The following MECOM variants were observed in gnomAD, a reference collection of about 807,000 sequenced individuals.
MECOM encodes MDS1 and EVI1 complex locus.
In MECOM, 13 loss-of-function variants were observed where a neutral mutation model predicts 116.3. The observed-to-expected ratio is 0.11, with a 90% CI of 0.07 to 0.18. MECOM has a LOEUF of 0.18. Among genes scored for constraint, MECOM ranks in the 10% least tolerant of loss-of-function variants. The pLI is 1.00. For synonymous variants in MECOM, 528 were observed against 535.2 expected, an observed-to-expected ratio of 0.99 and a Z score of 0.19; for missense variants, 1,299 against 1,509.0, an observed-to-expected ratio of 0.86 and a Z score of 2.31.
chr3:169,378,457 GCAAGCAAGCAAGCAAGCA>G (rs1191283278), intron 2 of MECOM, among the ~76,000 whole-genome samples: 49 of 60,826 alleles, frequency 8.1e-4, no homozygotes, highest in African/African-American at 2.6e-3. Flanking sequence ...AAGAAGGAAA[GCAAGCAAGCAAGCAAGCA>G]AGAAAGAGAG....
At chr3:169,629,120 ATTT>A (rs11284881) in intron 1 of MECOM, among the ~76,000 whole-genome samples, 100 of 135,442 alleles carry the variant, frequency 7.4e-4, no homozygotes, top group Non-Finnish European at 1.0e-3. Flanking sequence ...GCTGCTTGAA[ATTT>A]TTTTTTTTTT....
intron 3 of MECOM, among the ~76,000 whole-genome samples, chr3:169,142,705 A>T (rs1428139686): frequency 6.6e-6 from 1 of 152,002 alleles, no homozygotes; most frequent in East Asian, 1.9e-4. Flanking sequence ...GGTAGCTGGT[A>T]CGATGCCAAA....
chr3:169,097,312 CTA>C (rs1196522216), intron 12 of MECOM, among the ~76,000 whole-genome samples: 2 of 152,022 alleles, frequency 1.3e-5, no homozygotes, highest in Non-Finnish European at 2.9e-5. Context: ...TTGTTACTTT[CTA>C]TCTCTCCTCT....
intron 2 of MECOM, among the ~76,000 whole-genome samples, chr3:169,285,249 A>T (rs1279995140): frequency 6.6e-6 from 1 of 152,286 alleles, no homozygotes; most frequent in Admixed American, 6.5e-5. Flanking sequence ...CTGGACAATA[A>T]CAGCTGAGCT....
At chr3:169,366,975 G>A (rs937444835) in intron 2 of MECOM, among the ~76,000 whole-genome samples, 1 of 152,096 alleles carries the variant, frequency 6.6e-6, no homozygotes, top group African/African-American at 2.4e-5. Flanking sequence ...AGATTTCAGA[G>A]CAGAGGCTAA....
At position 169,301,703 on chromosome 3, in the gene MECOM, T is replaced by A. The variant is rs184552052; in HGVS notation, c.375+79484A>T. Among the ~76,000 whole-genome samples the A allele has an allele frequency of 4.6e-5, 7 of 152,340 alleles. No homozygotes were observed. The East Asian group carries it at 5.8e-4, about 13-fold the overall frequency. Reference sequence around the variant, plus strand: ...AGATGCTTCTGATATGTAAAAGATATGCTAATTTTGATGACAGTTTTCAGT... The same window carrying A: ...AGATGCTTCTGATATGTAAAAGATAAGCTAATTTTGATGACAGTTTTCAGT... On this transcript the variant is annotated intron_variant, in intron 2 of 16. Coordinates refer to ENST00000651503, the MANE Select transcript of MECOM (RefSeq NM_004991.4).
intron 2 of MECOM, among the ~76,000 whole-genome samples, chr3:169,333,911 CCCTT>C (rs898924925): frequency 5.7e-5 from 8 of 139,810 alleles, no homozygotes; most frequent in African/African-American, 1.1e-4. Flanking sequence ...CTCCCTCCCT[CCCTT>C]CCTTCCTTCT....
At chr3:169,649,988 A>G (rs951262513) in intron 1 of MECOM, among the ~76,000 whole-genome samples, 1 of 152,174 alleles carries the variant, frequency 6.6e-6, no homozygotes, top group Non-Finnish European at 1.5e-5. Context: ...GTGTAAAGGA[A>G]TGGGCTGAAC....
At chr3:169,088,193 C>T (rs939274392) in intron 16 of MECOM, among the ~76,000 whole-genome samples, 2 of 152,066 alleles carry the variant, frequency 1.3e-5, no homozygotes, top group African/African-American at 2.4e-5. Context: ...GACCACAGTG[C>T]CCAATAAATA....
rs568019416 is a variant in MECOM, at chr3:169,495,645, T to C, written c.38-114121A>G. Among the ~76,000 whole-genome samples the C allele has an allele frequency of 4.6e-5, 7 of 152,332 alleles. No homozygotes were observed. The East Asian group carries it at 1.2e-3, about 25-fold the overall frequency. On this transcript the variant is annotated intron_variant, in intron 1 of 16. Transcript: ENST00000651503. ...CATATTCCAATACTCATTCTTTCCA[T>C]GGCTTTTCCAAATGAGGCTAAATGG...
In MECOM at chr3:169,636,828, G is replaced by A. The variant is rs533189964; in HGVS notation, c.37+26508C>T. Among the ~76,000 whole-genome samples, 5 of 152,238 alleles carry A rather than the reference G, an allele frequency of 3.3e-5. No individual in the cohort carries two copies. In the East Asian group the frequency reaches 7.7e-4, roughly 24 times the overall value. On this transcript the variant is annotated intron_variant, in intron 1 of 16. Coordinates refer to ENST00000651503, the MANE Select transcript of MECOM (RefSeq NM_004991.4). ...TCCCACCATGATCTAGAGCAAACAC[G>A]AACAACCTCTGAATAAAGCAAAGAG... is the stretch of plus-strand genomic sequence containing the variant.
At chr3:169,382,397 C>T (rs935879030) in intron 1 of MECOM, among the ~76,000 whole-genome samples, 5 of 152,084 alleles carry the variant, frequency 3.3e-5, no homozygotes, top group Non-Finnish European at 7.4e-5. Context: ...GGAGTTACGA[C>T]ACTGAGCACG....
chr3:169,387,266 A>T (rs903607753), intron 1 of MECOM, among the ~76,000 whole-genome samples: 2 of 152,234 alleles, frequency 1.3e-5, no homozygotes, highest in African/African-American at 4.8e-5. Flanking sequence ...AAGCAGAAAA[A>T]AAAATGATTT....
chr3:169,327,925 T>A (rs1054854189), intron 2 of MECOM, among the ~76,000 whole-genome samples: 2 of 152,206 alleles, frequency 1.3e-5, no homozygotes, highest in Non-Finnish European at 2.9e-5. Flanking sequence ...GCATGTCCTA[T>A]TTTAATTATA....
intron 1 of MECOM, among the ~76,000 whole-genome samples, chr3:169,480,033 C>A (rs1751052624): frequency 6.6e-6 from 1 of 152,138 alleles, no homozygotes; most frequent in Non-Finnish European, 1.5e-5. Flanking sequence ...ACAGTGAAGA[C>A]AATGGACTTT....
At chr3:169,317,024 G>T (rs1044371639) in intron 2 of MECOM, among the ~76,000 whole-genome samples, 2 of 152,134 alleles carry the variant, frequency 1.3e-5, no homozygotes, top group African/African-American at 4.8e-5. Context: ...GATAAGAAAT[G>T]GACTTAACTA....
chr3:169,404,876 G>GA, intron 1 of MECOM, among the ~76,000 whole-genome samples: 1 of 152,246 alleles, frequency 6.6e-6, no homozygotes, highest in South Asian at 2.1e-4. Context: ...AGCCTCCAAG[G>GA]AAACCTCCCA....
At chr3:169,141,337 T>G (rs1738053301) in intron 3 of MECOM, among the ~76,000 whole-genome samples, 1 of 152,066 alleles carries the variant, frequency 6.6e-6, no homozygotes. Context: ...TTCCATTTGC[T>G]TTTGTGTTAG....
At chr3:169,138,342 G>T (rs996415551) in intron 3 of MECOM, among the ~76,000 whole-genome samples, 6 of 152,124 alleles carry the variant, frequency 3.9e-5, no homozygotes, top group African/African-American at 1.4e-4. Context: ...CGTTATGTCA[G>T]TGTTGCATCC....
Sources: gnomAD v4.1 joint callset for allele counts (sites outside exome capture counted in the v4.1 genomes callset) on GRCh38, gnomAD v4.1.1 for gene constraint, MANE v1.5 for transcripts, NCBI Gene and HGNC (gene_info 2026-07-23, HGNC 2026-07-21) for gene names.